The following NEUROD4 variants were observed in gnomAD, a reference collection of about 807,000 sequenced individuals.
The protein encoded by NEUROD4 is neurogenic differentiation factor 4.
NEUROD4 carries 16 observed loss-of-function variants against 19.8 expected under a neutral mutation model. That is an observed-to-expected ratio of 0.81 (90% confidence interval 0.55 to 1.23). NEUROD4 has a LOEUF of 1.23. Among genes scored for constraint, NEUROD4 ranks in the 50% most tolerant of loss-of-function variants. The pLI is 0.00. For missense variants in NEUROD4, 439 were observed against 398.6 expected, an observed-to-expected ratio of 1.10 and a Z score of -0.86; for synonymous variants, 153 against 147.9, an observed-to-expected ratio of 1.03 and a Z score of -0.25.
chr12:55,021,250 C>A (rs1353555213), intron 1 of NEUROD4, among the ~76,000 whole-genome samples: 1 of 152,168 alleles, frequency 6.6e-6, no homozygotes, highest in Non-Finnish European at 1.5e-5. Context: ...GAGCAAACTA[C>A]TGGCTTTTTC....
At position 55,026,967 on chromosome 12, in the gene NEUROD4, G is replaced by A; in HGVS notation, c.528G>A (p.Leu176=). ...ACCTGGTGGCTGGATGTCTCCAACTGGGCCCTCAGTCTGTCCTCCTGGAGA... is the reference window on the plus strand; with the variant it reads ...ACCTGGTGGCTGGATGTCTCCAACTAGGCCCTCAGTCTGTCCTCCTGGAGA... ...TSNLVAGCLQ[L]GPQSVLLEKH... The change falls in exon 2 of 2, where the codon CTG becomes CTA. Residue 176 remains leucine, a synonymous_variant. Transcript: ENST00000242994. The A allele has an allele frequency of 6.2e-7, 1 of 1,614,142 alleles. No homozygotes were observed. The highest frequency in any genetic ancestry group is 8.5e-7 in the Non-Finnish European group (1 of 1,180,016).
At chr12:55,025,250 C>A (rs913760330) in intron 1 of NEUROD4, among the ~76,000 whole-genome samples, 1 of 152,156 alleles carries the variant, frequency 6.6e-6, no homozygotes, top group Non-Finnish European at 1.5e-5. Context: ...ATTTTGCATA[C>A]AAAATTCTGA....
rs997362744 is a variant in NEUROD4, at chr12:55,028,335, A to G, written c.*900A>G. ...AGAAGTCTTTTAGACCATGACCTCC[A>G]TAACCAGAGGGCTCTGGAACTTCTG... On this transcript the variant is annotated 3_prime_UTR_variant, in exon 2 of 2. Coordinates refer to ENST00000242994, the MANE Select transcript of NEUROD4 (RefSeq NM_021191.3). 1.8e-5 allele frequency: 3 copies of G among 167,098 alleles called. No individual in the cohort carries two copies. The Admixed American group carries it at 2.0e-4, about 11-fold the overall frequency. 10.4% of individuals were successfully genotyped at this position (167,098 alleles called of 1,614,324 possible).
At chr12:55,024,111 A>G (rs1374506163) in intron 1 of NEUROD4, among the ~76,000 whole-genome samples, 1 of 152,066 alleles carries the variant, frequency 6.6e-6, no homozygotes, top group Admixed American at 6.6e-5. Flanking sequence ...TCATAATGAT[A>G]ATGAAGATAA....
In NEUROD4 at chr12:55,028,723, C is replaced by T. The variant is rs1952761546; in HGVS notation, c.*1288C>T. ...ATATGTTATTATATATTGTAAATAACATTTCAGGTGACCAAACTTAAGGAT... is the reference window on the plus strand; with the variant it reads ...ATATGTTATTATATATTGTAAATAATATTTCAGGTGACCAAACTTAAGGAT... On this transcript the variant is annotated 3_prime_UTR_variant, in exon 2 of 2. Transcript: ENST00000242994. The T allele has an allele frequency of 6.0e-6, 1 of 167,040 alleles. No homozygotes were observed. The highest frequency in any genetic ancestry group is 2.4e-5 in the African/African-American group (1 of 41,442). The allele number at this position is 167,040 out of a possible 1,614,324, so 10.3% of individuals were successfully genotyped here.
Position 55,027,332 on chromosome 12 carries a change from T to C in NEUROD4, c.893T>C (p.Phe298Ser). The change falls in exon 2 of 2, where the codon TTT becomes TCT. Residue 298 changes from phenylalanine to serine, a missense_variant. Coordinates refer to ENST00000242994, the MANE Select transcript of NEUROD4 (RefSeq NM_021191.3). ...TCAGGGCATGTGCATTCAACTCCTT[T>C]TCAGGCTGGTACCCCCCGTTATGAT... Reference protein sequence around the residue: ...LSSGHVHSTPFQAGTPRYDVP... With the variant: ...LSSGHVHSTPSQAGTPRYDVP... 6.2e-7 allele frequency: 1 copy of C among 1,614,140 alleles called. No individual in the cohort carries two copies. The highest frequency in any genetic ancestry group is 2.2e-5 in the East Asian group (1 of 44,880).
At chr12:55,024,102 C>G (rs973592541) in intron 1 of NEUROD4, among the ~76,000 whole-genome samples, 1 of 151,892 alleles carries the variant, frequency 6.6e-6, no homozygotes, top group Admixed American at 6.6e-5. Context: ...AGCCAGTGAT[C>G]ATAATGATAA....
rs1952754296 is a variant in NEUROD4, at chr12:55,028,031, CTT to C, written c.*598_*599del. On this transcript the variant is annotated 3_prime_UTR_variant, in exon 2 of 2. Transcript: ENST00000242994. ...TTGTTTGGATTTAATGATAGGACCT[CTT>C]TGTATCTATTGAAAAATAGCTTCTG... The C allele has an allele frequency of 6.0e-6, 1 of 167,062 alleles. No homozygotes were observed. Among genetic ancestry groups the C allele is most frequent in the Non-Finnish European group, 1.5e-5 (1 of 68,122 alleles). The allele number at this position is 167,062 out of a possible 1,614,324, so 10.3% of individuals were successfully genotyped here.
Position 55,027,344 on chromosome 12 carries a change from C to A in NEUROD4, c.905C>A (p.Thr302Asn). 1 of 1,613,870 alleles carries A rather than the reference C, an allele frequency of 6.2e-7. No individual in the cohort carries two copies. ...CATTCAACTCCTTTTCAGGCTGGTA[C>A]CCCCCGTTATGATGTTCCTATAGAC... ...HVHSTPFQAG[T>N]PRYDVPIDMS... The change falls in exon 2 of 2, where the codon ACC (threonine) becomes AAC (asparagine). Residue 302 changes from threonine to asparagine, a missense_variant. By Grantham distance (65) the Thr-to-Asn change is moderately conservative. Transcript: ENST00000242994.
intron 1 of NEUROD4, among the ~76,000 whole-genome samples, chr12:55,020,641 C>G (rs1171110825): frequency 1.3e-5 from 2 of 152,066 alleles, no homozygotes; most frequent in African/African-American, 4.8e-5. Context: ...GTGAAAATGT[C>G]GAAAAGTTTA....
In NEUROD4 at chr12:55,028,307, T is replaced by C. The variant is rs998154997; in HGVS notation, c.*872T>C. On this transcript the variant is annotated 3_prime_UTR_variant, in exon 2 of 2. Transcript: ENST00000242994. ...TCAGACTCCTATAACTAATGGGACA[T>C]AGAGAAGTCTTTTAGACCATGACCT... 2 of 167,038 alleles carry C rather than the reference T, an allele frequency of 1.2e-5. No homozygotes were observed. Among genetic ancestry groups the C allele is most frequent in the African/African-American group, 4.8e-5 (2 of 41,444 alleles). The allele number at this position is 167,038 out of a possible 1,614,324, so 10.3% of individuals were successfully genotyped here.
chr12:55,021,538 T>C (rs562323144), intron 1 of NEUROD4, among the ~76,000 whole-genome samples: 1 of 152,238 alleles, frequency 6.6e-6, no homozygotes, highest in East Asian at 1.9e-4. Flanking sequence ...AATAAAAAAT[T>C]TGTAAAAGTG....
chr12:55,025,240 A>C (rs1952714325), intron 1 of NEUROD4, among the ~76,000 whole-genome samples: 1 of 152,204 alleles, frequency 6.6e-6, no homozygotes, highest in South Asian at 2.1e-4. Flanking sequence ...CAAATAGTGA[A>C]TTTTGCATAC....
rs1476826915 is a variant in NEUROD4 at position 55,028,382 on chromosome 12, T to C, written c.*947T>C. 6.0e-6 allele frequency: 1 copy of C among 167,068 alleles called. No individual in the cohort carries two copies. The highest frequency in any genetic ancestry group is 1.5e-5 in the Non-Finnish European group (1 of 68,114). The allele number at this position is 167,068 out of a possible 1,614,324, so 10.3% of individuals were successfully genotyped here. Reference sequence around the variant, plus strand: ...TCTGATGAAGCTCAGGTGCTGCTGTTAGAATCAGCACACAACACAGGTTTA... The same window carrying C: ...TCTGATGAAGCTCAGGTGCTGCTGTCAGAATCAGCACACAACACAGGTTTA... On this transcript the variant is annotated 3_prime_UTR_variant, in exon 2 of 2. Transcript: ENST00000242994.
intron 1 of NEUROD4, among the ~76,000 whole-genome samples, chr12:55,023,632 T>A (rs1318585736): frequency 1.3e-5 from 2 of 152,158 alleles, no homozygotes; most frequent in African/African-American, 4.8e-5. Flanking sequence ...GAAACCATAC[T>A]ATATACTCAT....
At chr12:55,024,481 T>C (rs560236273) in intron 1 of NEUROD4, among the ~76,000 whole-genome samples, 7 of 152,292 alleles carry the variant, frequency 4.6e-5, no homozygotes, top group African/African-American at 1.7e-4. Context: ...AAGTGCTCTG[T>C]AAACTTTAAA....
rs777326419 is a variant in NEUROD4, at chr12:55,027,344, C to T, written c.905C>T (p.Thr302Ile). ...CATTCAACTCCTTTTCAGGCTGGTA[C>T]CCCCCGTTATGATGTTCCTATAGAC... ...HVHSTPFQAG[T>I]PRYDVPIDMS... Residue 302 changes from threonine (T) to isoleucine (I), a missense_variant, in exon 2 of 2, where the codon ACC becomes ATC. Coordinates refer to ENST00000242994, the MANE Select transcript of NEUROD4 (RefSeq NM_021191.3). The T allele has an allele frequency of 3.7e-6, 6 of 1,613,752 alleles. No individual in the cohort carries two copies. Among genetic ancestry groups the T allele is most frequent in the Admixed American group, 1.7e-5 (1 of 59,990 alleles).
chr12:55,025,287 T>G lies in NEUROD4; in HGVS notation c.-9-1144T>G, dbSNP rs1156599660. The stretch of plus-strand genomic sequence containing the variant: ...TAAACAGTGTGTTAGTGAATTAAAG[T>G]AGTCAGGCTATTCCTGTGTTTGCCT... On this transcript the variant is annotated intron_variant, in intron 1 of 1. Coordinates refer to ENST00000242994, the MANE Select transcript of NEUROD4 (RefSeq NM_021191.3). Among the ~76,000 whole-genome samples, 3 of 152,260 alleles carry G rather than the reference T, an allele frequency of 2.0e-5. No homozygotes were observed. In the East Asian group the frequency reaches 5.8e-4, roughly 29 times the overall value.
chr12:55,027,075 T>C lies in NEUROD4; in HGVS notation c.636T>C (p.Pro212=), dbSNP rs1478663195. ...ATCAGTCTCCGGGGCTTCCTAGCCC[T>C]CCTTATGGTCATATGGAAACACATC... ...FNYQSPGLPS[P]PYGHMETHLL... is the part of the protein sequence containing the mutation. The change falls in exon 2 of 2, where the codon CCT becomes CCC. Residue 212 remains proline, a synonymous_variant. Transcript: ENST00000242994. The C allele has an allele frequency of 5.0e-6, 8 of 1,613,990 alleles. No individual in the cohort carries two copies. The Admixed American group carries it at 1.0e-4, about 20-fold the overall frequency.
Sources: allele counts gnomAD v4.1 joint callset (sites outside exome capture counted in the v4.1 genomes callset), GRCh38; gene constraint gnomAD v4.1.1; transcripts MANE v1.5; gene names NCBI Gene and HGNC (gene_info 2026-07-23, HGNC 2026-07-21).